HGSNAT: variants seen among roughly 807,000 people sequenced by gnomAD.
The protein encoded by HGSNAT is transmembrane protein 76.
A neutral mutation model predicts 85.2 loss-of-function variants in HGSNAT; 59 were observed. The ratio of observed to expected loss-of-function variants is 0.69; its 90% CI spans 0.56 to 0.86. HGSNAT has a LOEUF of 0.86. HGSNAT is among the 40% of genes least tolerant of loss of function. The probability of loss-of-function intolerance (pLI) is 0.00; values close to 1 mark genes in which losing one functional copy is unlikely to be tolerated. For missense variants in HGSNAT, 756 were observed against 777.1 expected, an observed-to-expected ratio of 0.97 and a Z score of 0.32; for synonymous variants, 321 against 304.5, an observed-to-expected ratio of 1.05 and a Z score of -0.56.
chr8:43,145,849 A>G (rs950659886), intron 1 of HGSNAT, among the ~76,000 whole-genome samples: 2 of 152,174 alleles, frequency 1.3e-5, no homozygotes, highest in African/African-American at 4.8e-5. Flanking sequence ...AAGCTTTCCC[A>G]TTACAAAATA....
intron 17 of HGSNAT, among the ~76,000 whole-genome samples, chr8:43,199,015 C>T (rs1432752611): frequency 6.6e-6 from 1 of 152,168 alleles, no homozygotes; most frequent in East Asian, 1.9e-4. Context: ...GATTCTTGTG[C>T]CTCAGCCTCC....
chr8:43,160,110 C>T (rs776806980), intron 4 of HGSNAT, among the ~76,000 whole-genome samples: 2 of 152,172 alleles, frequency 1.3e-5, no homozygotes, highest in African/African-American at 4.8e-5. Flanking sequence ...CCAAAGAAAA[C>T]AAAAACAATG....
chr8:43,163,589 C>T (rs1444487117), intron 5 of HGSNAT, among the ~76,000 whole-genome samples: 3 of 148,918 alleles, frequency 2.0e-5, no homozygotes, highest in Admixed American at 6.8e-5. Context: ...TGCAGTGGTG[C>T]GATCTCTGCT....
At chr8:43,149,597 G>T (rs1187335017) in intron 2 of HGSNAT, among the ~76,000 whole-genome samples, 1 of 151,836 alleles carries the variant, frequency 6.6e-6, no homozygotes, top group African/African-American at 2.4e-5. Context: ...CTACTCAGGA[G>T]GCTGAGGCAG....
intron 8 of HGSNAT, 117 bp from the exon 9 acceptor site, chr8:43,173,596 T>C: frequency 9.1e-7 from 1 of 1,104,868 alleles, no homozygotes; most frequent in South Asian, 1.3e-5. Context: ...CGGGCATGAG[T>C]CACTGCGCCT....
intron 14 of HGSNAT, among the ~76,000 whole-genome samples, chr8:43,194,922 A>T (rs954056702): frequency 1.3e-5 from 2 of 152,048 alleles, no homozygotes; most frequent in South Asian, 4.1e-4. Flanking sequence ...GGACTTCCCA[A>T]CCTTCAGAAC....
At position 43,141,726 on chromosome 8, in the gene HGSNAT, G is replaced by A. The variant is rs925764670; in HGVS notation, c.118+1112G>A. ...TTGTGAATTTTGGAAAAGCGGCTCA[G>A]AGGATTACATTTTGTGCGATCCTTG... On this transcript the variant is annotated intron_variant, in intron 1 of 17. Coordinates refer to ENST00000379644, the MANE Select transcript of HGSNAT (RefSeq NM_152419.3). Among the ~76,000 whole-genome samples, 6 of 152,088 alleles carry A rather than the reference G, an allele frequency of 3.9e-5. No individual in the cohort carries two copies. The South Asian group carries it at 1.2e-3, about 32-fold the overall frequency.
At chr8:43,184,268 C>T (rs574843385) in intron 11 of HGSNAT, among the ~76,000 whole-genome samples, 6 of 152,254 alleles carry the variant, frequency 3.9e-5, no homozygotes, top group African/African-American at 1.4e-4. Context: ...TAAAAGTGTT[C>T]CTATTTCTCC....
chr8:43,189,349 C>T (rs1319750975), intron 11 of HGSNAT, among the ~76,000 whole-genome samples: 1 of 152,178 alleles, frequency 6.6e-6, no homozygotes, highest in East Asian at 1.9e-4. Flanking sequence ...GCCCTTCCCC[C>T]CAGCCTCGCT....
chr8:43,145,749 TA>T (rs1043273555), intron 1 of HGSNAT, among the ~76,000 whole-genome samples: 15 of 147,950 alleles, frequency 1.0e-4, no homozygotes, highest in East Asian at 4.0e-4. Context: ...AGACTCCATT[TA>T]AAAAAAAAAG....
At position 43,197,015 on chromosome 8, in the gene HGSNAT, G is replaced by A; in HGVS notation, c.1532G>A (p.Cys511Tyr). The change falls in exon 15 of 18, where the codon TGT (cysteine) becomes TAT (tyrosine). Residue 511 changes from cysteine to tyrosine, a missense_variant. Cys to Tyr is a radical substitution (Grantham distance 194, BLOSUM62 -2). Transcript: ENST00000379644. ...ATCCTGATTCGATTCACTGCTTGGT[G>A]TTGTATTCTTGTAAGTAAGCAGCAT... ...KDILIRFTAW[C>Y]CILGLISVAL... 2 of 1,607,078 alleles carry A rather than the reference G, an allele frequency of 1.2e-6. No homozygotes were observed. The highest frequency in any genetic ancestry group is 1.7e-6 in the Non-Finnish European group (2 of 1,173,844).
At chr8:43,142,272 G>A (rs926635466) in intron 1 of HGSNAT, among the ~76,000 whole-genome samples, 4 of 152,086 alleles carry the variant, frequency 2.6e-5, no homozygotes, top group South Asian at 2.1e-4. Context: ...AGAGGAGAGA[G>A]AAGGAAATAA....
chr8:43,141,343 C>G (rs962924408), intron 1 of HGSNAT, among the ~76,000 whole-genome samples: 2 of 152,190 alleles, frequency 1.3e-5, no homozygotes, highest in Non-Finnish European at 2.9e-5. Flanking sequence ...GCTTTTGCCC[C>G]GGGCCCCGGA....
intron 6 of HGSNAT, 50 bp downstream of exon 6, chr8:43,169,292 G>T: frequency 8.6e-7 from 1 of 1,167,572 alleles, no homozygotes. Flanking sequence ...TCTAAACTTG[G>T]AATTTATAGT....
chr8:43,189,085 A>G (rs2130799604), intron 11 of HGSNAT, among the ~76,000 whole-genome samples: 1 of 152,244 alleles, frequency 6.6e-6, no homozygotes, highest in Non-Finnish European at 1.5e-5. Flanking sequence ...GGGGTCAGGG[A>G]CCCACTTGAG....
chr8:43,197,340 A>C (rs1275271087), intron 15 of HGSNAT: 1 of 526,638 alleles, frequency 1.9e-6, no homozygotes, highest in South Asian at 2.4e-5. Flanking sequence ...GGTTGCAGAC[A>C]TCAACTTCCA....
At chr8:43,167,024 AT>A (rs1336790142) in intron 5 of HGSNAT, among the ~76,000 whole-genome samples, 2 of 152,340 alleles carry the variant, frequency 1.3e-5, no homozygotes, top group Non-Finnish European at 2.9e-5. Context: ...TAAAACTAGA[AT>A]TAGAAGTGAA....
intron 14 of HGSNAT, among the ~76,000 whole-genome samples, chr8:43,195,104 G>T (rs919666007): frequency 1.4e-4 from 22 of 152,052 alleles, no homozygotes; most frequent in Non-Finnish European, 3.1e-4. Flanking sequence ...AAATTTAGAT[G>T]GTCACTTGTG....
chr8:43,198,766 T>A (rs1586759336), intron 17 of HGSNAT, among the ~76,000 whole-genome samples: 1 of 152,234 alleles, frequency 6.6e-6, no homozygotes, highest in Non-Finnish European at 1.5e-5. Context: ...TTTCAGCCCT[T>A]TGATTCGAGG....
Sources: allele counts gnomAD v4.1 joint callset (sites outside exome capture counted in the v4.1 genomes callset), GRCh38; gene constraint gnomAD v4.1.1; transcripts MANE v1.5; gene names NCBI Gene and HGNC (gene_info 2026-07-23, HGNC 2026-07-21).